Variants in HMOX2 observed in about 807,000 individuals in gnomAD.
HMOX2 encodes heme oxygenase 2, also known as heme oxygenase (decycling) 2.
A neutral mutation model predicts 33.7 loss-of-function variants in HMOX2; 30 were observed. The ratio of observed to expected loss-of-function variants is 0.89; its 90% confidence interval spans 0.67 to 1.21. HMOX2 has a LOEUF of 1.21. Among genes scored for constraint, HMOX2 ranks in the 50% most tolerant of loss-of-function variants. The probability of loss-of-function intolerance (pLI) is 0.00; values close to 1 mark genes in which losing one functional copy is unlikely to be tolerated. For missense variants in HMOX2, 403 were observed against 399.1 expected, an observed-to-expected ratio of 1.01 and a Z score of -0.08; for synonymous variants, 155 against 155.0, an observed-to-expected ratio of 1.00 and a Z score of 0.00.
At chr16:4,502,346 T>A (rs1408940618) in intron 1 of HMOX2, among the ~76,000 whole-genome samples, 1 of 152,272 alleles carries the variant, frequency 6.6e-6, no homozygotes, top group Non-Finnish European at 1.5e-5. Flanking sequence ...TCACGTTCCC[T>A]ATCACTGTTG....
At chr16:4,482,710 C>T (rs1355392147) in intron 1 of HMOX2, among the ~76,000 whole-genome samples, 1 of 152,050 alleles carries the variant, frequency 6.6e-6, no homozygotes, top group African/African-American at 2.4e-5. Context: ...TTACATTTAC[C>T]AATTTACTCT....
intron 1 of HMOX2, among the ~76,000 whole-genome samples, chr16:4,498,715 C>T (rs984161869): frequency 2.0e-5 from 3 of 152,142 alleles, no homozygotes; most frequent in South Asian, 2.1e-4. Context: ...TTTATTCTTC[C>T]GTTCAGTGAA....
rs1242801597 is a variant in HMOX2, at chr16:4,487,811, C to T, written c.-42+11324C>T. ...TCAAAAAAAAAAAAAATTAGCCGGG[C>T]GCGGTGGCATATGCCTGTAATCCCA... On this transcript the variant is annotated intron_variant, in intron 1 of 5. Coordinates refer to ENST00000570646, the MANE Select transcript of HMOX2 (RefSeq NM_002134.4). Among the ~76,000 whole-genome samples the T allele has an allele frequency of 3.3e-5, 5 of 150,562 alleles. No homozygotes were observed. The South Asian group carries it at 6.3e-4, about 19-fold the overall frequency.
intron 1 of HMOX2, chr16:4,483,784 G>GT (rs1355550429): frequency 2.0e-5 from 3 of 150,976 alleles, no homozygotes; most frequent in Non-Finnish European, 2.9e-5. Context: ...GTTAATTTTT[G>GT]TATTTTTAGT....
At chr16:4,483,958 T>C (rs954678602) in intron 1 of HMOX2, among the ~76,000 whole-genome samples, 1 of 146,550 alleles carries the variant, frequency 6.8e-6, no homozygotes, top group Non-Finnish European at 1.5e-5. Flanking sequence ...ATCACACCCG[T>C]GCATATGCCC....
At chr16:4,494,520 GT>G (rs2058374557) in intron 1 of HMOX2, among the ~76,000 whole-genome samples, 1 of 152,032 alleles carries the variant, frequency 6.6e-6, no homozygotes, top group East Asian at 1.9e-4. Context: ...TTTAAGTGTG[GT>G]TATGAGATGT....
intron 3 of HMOX2, among the ~76,000 whole-genome samples, chr16:4,507,218 G>A (rs1219294967): frequency 5.9e-5 from 9 of 152,174 alleles, no homozygotes; most frequent in African/African-American, 2.2e-4. Context: ...GCCGAGGCAG[G>A]TGGATCACTT....
chr16:4,506,075 T>A (rs1311791687), intron 2 of HMOX2, among the ~76,000 whole-genome samples: 1 of 151,526 alleles, frequency 6.6e-6, no homozygotes. Context: ...TTGGCCAAGT[T>A]TTTTTTTTAT....
At chr16:4,500,336 A>G (rs2058527543) in intron 1 of HMOX2, among the ~76,000 whole-genome samples, 1 of 152,198 alleles carries the variant, frequency 6.6e-6, no homozygotes, top group Non-Finnish European at 1.5e-5. Context: ...GTCCCAGTGC[A>G]GAAGTCTCTG....
intron 5 of HMOX2, 35 bp from the exon 6 acceptor site, chr16:4,509,594 C>A (rs774910547): frequency 6.2e-7 from 1 of 1,613,710 alleles, no homozygotes; most frequent in East Asian, 2.2e-5. Context: ...GGAGACTCCA[C>A]TGATGCCATG....
intron 1 of HMOX2, among the ~76,000 whole-genome samples, chr16:4,482,485 G>C (rs2058055853): frequency 1.3e-5 from 2 of 152,248 alleles, no homozygotes; most frequent in Non-Finnish European, 2.9e-5. Context: ...CTCTAAGTCA[G>C]TTAAATTCTG....
intron 1 of HMOX2, among the ~76,000 whole-genome samples, chr16:4,478,500 C>T (rs2057929965): frequency 6.6e-6 from 1 of 152,036 alleles, no homozygotes; most frequent in South Asian, 2.1e-4. Context: ...CTTGTGATCC[C>T]AGCACTTTGG....
upstream of HMOX2, among the ~76,000 whole-genome samples, chr16:4,475,285 C>G (rs1219172740): frequency 6.6e-6 from 1 of 151,396 alleles, no homozygotes; most frequent in East Asian, 2.0e-4. Context: ...GCTACTTGCA[C>G]TGATTTCAGT....
At chr16:4,487,965 A>C (rs1378209685) in intron 1 of HMOX2, among the ~76,000 whole-genome samples, 1 of 150,964 alleles carries the variant, frequency 6.6e-6, no homozygotes, top group Non-Finnish European at 1.5e-5. Flanking sequence ...AAAAAAAAAA[A>C]AAAAAAATGT....
Position 4,507,952 on chromosome 16 carries a change from A to G in HMOX2, c.444A>G (p.Leu148=). The G allele has an allele frequency of 1.2e-6, 2 of 1,613,870 alleles. No individual in the cohort carries two copies. Among genetic ancestry groups the G allele is most frequent in the Non-Finnish European group, 1.7e-6 (2 of 1,179,908 alleles). The change falls in exon 4 of 6, where the codon CTA becomes CTG. Residue 148 remains leucine (L), a synonymous_variant. Transcript: ENST00000570646. ...ACATAGGGCAGAACGAGCCGGAGCT[A>G]CTGGTGGCCCATGCATACACCCGCT... ...IHYIGQNEPE[L]LVAHAYTRYM...
chr16:4,502,899 C>G (rs1180823619), intron 1 of HMOX2: 1 of 152,576 alleles, frequency 6.6e-6, no homozygotes, highest in African/African-American at 2.4e-5. Flanking sequence ...TCACTGCAAC[C>G]TCCGCCTCCC....
rs538729298 is a variant in HMOX2, at chr16:4,509,975, C to T, written c.*219C>T. On this transcript the variant is annotated 3_prime_UTR_variant, in exon 6 of 6. Transcript: ENST00000570646. ...CACAGGCCGTCACCCTGGGAGCAGT[C>T]GGCACAGTGCAGCAAGCCTGGCCCC... The T allele has an allele frequency of 8.5e-6, 5 of 586,512 alleles. No individual in the cohort carries two copies. The highest frequency in any genetic ancestry group is 1.2e-5 in the Non-Finnish European group (4 of 332,608). The allele number at this position is 586,512 out of a possible 1,614,324, so 36.3% of individuals were successfully genotyped here.
Position 4,509,300 on chromosome 16 carries a change from T to C in HMOX2, c.697-112T>C, listed in dbSNP as rs141331254. The C allele has an allele frequency of 5.6e-3, 7,761 of 1,380,432 alleles. 27 individuals are homozygous for C. The highest frequency in any genetic ancestry group is 8.1e-3 in the Admixed American group (374 of 46,032). The allele number at this position is 1,380,432 out of a possible 1,614,324, so 85.5% of individuals were successfully genotyped here. ...GGCTGCAGTGAGTTAGCCATGTTCA[T>C]AACACTGCACTCTAGCCTGGGCAAC... On this transcript the variant is annotated intron_variant, in intron 4 of 5. Coordinates refer to ENST00000570646, the MANE Select transcript of HMOX2 (RefSeq NM_002134.4).
chr16:4,480,562 C>A (rs1229510312), intron 1 of HMOX2, among the ~76,000 whole-genome samples: 1 of 151,820 alleles, frequency 6.6e-6, no homozygotes, highest in East Asian at 1.9e-4. Context: ...CCAGGCTGGT[C>A]TCAAACTCCT....
Sources: allele counts gnomAD v4.1 joint callset (sites outside exome capture counted in the v4.1 genomes callset), GRCh38; gene constraint gnomAD v4.1.1; transcripts MANE v1.5; gene names NCBI Gene and HGNC (gene_info 2026-07-23, HGNC 2026-07-21).